The following WDFY4 variants were observed in gnomAD, a reference collection of about 807,000 sequenced individuals.
WDFY4 encodes the protein WDFY family member 4, also known as WD repeat- and FYVE domain-containing protein 4.
In WDFY4, 169 loss-of-function variants were observed where a neutral mutation model predicts 351.9. The ratio of observed to expected loss-of-function variants is 0.48; its 90% CI spans 0.42 to 0.55. The LOEUF (loss-of-function observed/expected upper bound fraction) is 0.55. WDFY4 is among the 20% of genes least tolerant of loss of function. The probability of loss-of-function intolerance (pLI) is 0.00; values close to 1 mark genes in which losing one functional copy is unlikely to be tolerated. For missense variants in WDFY4, 3,803 were observed against 3,935.6 expected, an observed-to-expected ratio of 0.97 and a Z score of 0.90; for synonymous variants, 1,622 against 1,574.6, an observed-to-expected ratio of 1.03 and a Z score of -0.71.
chr10:48,866,634 A>G (rs1012109759), intron 39 of WDFY4, among the ~76,000 whole-genome samples: 2 of 152,198 alleles, frequency 1.3e-5, no homozygotes, highest in East Asian at 3.8e-4. Context: ...CTCTCTTGGT[A>G]GCTCTCTGCT....
In WDFY4 at chr10:48,776,908, C is replaced by T. The variant is rs1219715993; in HGVS notation, c.3022C>T (p.Pro1008Ser). 1.9e-6 allele frequency: 3 copies of T among 1,552,066 alleles called. No individual in the cohort carries two copies. Among genetic ancestry groups the T allele is most frequent in the African/African-American group, 2.7e-5 (2 of 73,056 alleles). ...TALSLISMTS[P>S]RNLQPQRAAL... Reference sequence around the variant, plus strand: ...GCTGAGCCTCATCTCCATGACCTCCCCACGCAACCTGCAGCCTCAGAGGGC... The same window carrying T: ...GCTGAGCCTCATCTCCATGACCTCCTCACGCAACCTGCAGCCTCAGAGGGC... Residue 1008 changes from proline (P) to serine (S), a missense_variant, in exon 16 of 62, where the codon CCA (proline) becomes TCA (serine). By Grantham distance (74) the Pro-to-Ser change is moderately conservative. Around this residue, in one of 3 missense-constraint regions of WDFY4, gnomAD observed 3,054 missense variants for 3,148.6 expected, o/e 0.97. Transcript: ENST00000325239.
intron 57 of WDFY4, among the ~76,000 whole-genome samples, chr10:48,971,750 G>A (rs1339728010): frequency 1.3e-5 from 2 of 152,172 alleles, no homozygotes; most frequent in Non-Finnish European, 2.9e-5. Context: ...TGCGAGAAGG[G>A]GCTGACACAT....
chr10:48,723,623 ACT>A lies in WDFY4; in HGVS notation c.591+60_591+61del, dbSNP rs374086653. On this transcript the variant is annotated intron_variant, in intron 5 of 61. Transcript: ENST00000325239. ...GGTCAAAACCTCACTTCGGGGACAG[ACT>A]CTCCAATGCTTCCCGTAGATGCTTT... is the stretch of plus-strand genomic sequence containing the variant. 3.8e-4 allele frequency: 587 copies of A among 1,544,388 alleles called. 9 individuals are homozygous for A. In the South Asian group the frequency reaches 6.5e-3, roughly 17 times the overall value.
intron 1 of WDFY4, among the ~76,000 whole-genome samples, chr10:48,687,259 T>G (rs1258092952): frequency 2.0e-5 from 3 of 152,208 alleles, no homozygotes; most frequent in African/African-American, 7.2e-5. Flanking sequence ...GTACTACTTT[T>G]TGTCATTTAT....
chr10:48,736,247 G>A, intron 11 of WDFY4, 177 bp downstream of exon 11: 1 of 694,962 alleles, frequency 1.4e-6, no homozygotes, highest in Non-Finnish European at 2.5e-6. Context: ...TCAGTAGCCT[G>A]GTACATTTGA....
chr10:48,721,444 G>T, intron 4 of WDFY4, 77 bp downstream of exon 4: 1 of 1,355,030 alleles, frequency 7.4e-7, no homozygotes, highest in South Asian at 1.2e-5. Flanking sequence ...CAGGGTGGTG[G>T]CATATCCCAA....
chr10:48,828,841 T>C lies in WDFY4; in HGVS notation c.6285T>C (p.Leu2095=), dbSNP rs1201651245. Residue 2095 remains leucine, a synonymous_variant, in exon 37 of 62, where the codon CTT becomes CTC. Transcript: ENST00000325239. ...PRMSTYHQVF[L]SPNEDVKEKR... ...TGTCTACTTATCATCAAGTCTTCCT[T>C]TCCCCAAATGAAGACGTGAAAGAAA... The C allele has an allele frequency of 6.5e-7, 1 of 1,530,734 alleles. No homozygotes were observed. The highest frequency in any genetic ancestry group is 8.8e-7 in the Non-Finnish European group (1 of 1,136,534). The allele number at this position is 1,530,734 out of a possible 1,614,324, so 94.8% of individuals were successfully genotyped here.
intron 8 of WDFY4, among the ~76,000 whole-genome samples, chr10:48,730,174 C>T (rs915464934): frequency 6.6e-6 from 1 of 152,180 alleles, no homozygotes; most frequent in Non-Finnish European, 1.5e-5. Context: ...GTTTTTAAGG[C>T]TAAGTGTGGG....
chr10:48,761,511 G>T (rs17836431), intron 13 of WDFY4, among the ~76,000 whole-genome samples: 12,770 of 152,186 alleles, frequency 0.084, 677 homozygotes, highest in East Asian at 0.24. Context: ...TAAGAGACCT[G>T]TCCAGAGGCA....
chr10:48,752,512 AC>A (rs1396544167), intron 12 of WDFY4, among the ~76,000 whole-genome samples: 78 of 152,288 alleles, frequency 5.1e-4, no homozygotes, highest in African/African-American at 1.7e-3. Context: ...CACTTTTATC[AC>A]CCCAAAAGGA....
At chr10:48,686,132 C>G (rs2063039945) in intron 1 of WDFY4, among the ~76,000 whole-genome samples, 1 of 151,928 alleles carries the variant, frequency 6.6e-6, no homozygotes, top group Admixed American at 6.6e-5. Flanking sequence ...TCTGTCCATC[C>G]TGAGCACATG....
chr10:48,926,830 C>G (rs2133639402), intron 47 of WDFY4, among the ~76,000 whole-genome samples: 1 of 152,342 alleles, frequency 6.6e-6, no homozygotes. Context: ...CGAGCCAGTT[C>G]ACTTCATAGG....
At position 48,689,461 on chromosome 10, in the gene WDFY4, A is replaced by G. The variant is rs1256371988; in HGVS notation, c.-18+4460A>G. On this transcript the variant is annotated intron_variant, in intron 1 of 61. Coordinates refer to ENST00000325239, the MANE Select transcript of WDFY4 (RefSeq NM_001394531.1). ...AACTAACAACAAAAAATTATAAAAT[A>G]CCTCAGTACCTGAAAATATTGATTA... Among the ~76,000 whole-genome samples, 33 of 152,258 alleles carry G rather than the reference A, an allele frequency of 2.2e-4. 1 individual carries two copies. The highest frequency in any genetic ancestry group is 2.2e-3 in the Admixed American group (33 of 15,294).
intron 6 of WDFY4, 31 bp from the exon 7 acceptor site, chr10:48,727,439 A>G: frequency 6.5e-7 from 1 of 1,545,166 alleles, no homozygotes; most frequent in African/African-American, 1.4e-5. Flanking sequence ...TTCCAAGCTC[A>G]GCAGGTCTCT....
chr10:48,845,127 C>T (rs1177703371), intron 39 of WDFY4, among the ~76,000 whole-genome samples: 1 of 152,214 alleles, frequency 6.6e-6, no homozygotes. Flanking sequence ...TGGGCACAGA[C>T]ACCCCTTGGG....
intron 1 of WDFY4, among the ~76,000 whole-genome samples, chr10:48,699,040 G>T (rs2063407790): frequency 6.6e-6 from 1 of 152,222 alleles, no homozygotes; most frequent in Non-Finnish European, 1.5e-5. Flanking sequence ...GAAAGCACAT[G>T]CTACAGGGCT....
chr10:48,959,597 A>C, intron 52 of WDFY4, 125 bp from the exon 53 acceptor site: 2 of 842,808 alleles, frequency 2.4e-6, no homozygotes, highest in Non-Finnish European at 3.9e-6. Flanking sequence ...CATGGTCTGC[A>C]GAGAACATAA....
At position 48,720,151 on chromosome 10, in the gene WDFY4, C is replaced by A. The variant is rs778567775; in HGVS notation, c.349+26C>A. Reference sequence around the variant, plus strand: ...GTAAGAGCATGGAGGTGCTGGCAGACCCTCTACAGAGAGCAGTGCAGCCCT... The same window carrying A: ...GTAAGAGCATGGAGGTGCTGGCAGAACCTCTACAGAGAGCAGTGCAGCCCT... On this transcript the variant is annotated intron_variant, in intron 3 of 61. Transcript: ENST00000325239. The A allele has an allele frequency of 2.8e-5, 43 of 1,545,008 alleles. 1 individual carries two copies. In the South Asian group the frequency reaches 5.0e-4, roughly 18 times the overall value.
At chr10:48,733,181 T>C (rs1274579465) in intron 9 of WDFY4, among the ~76,000 whole-genome samples, 1 of 152,218 alleles carries the variant, frequency 6.6e-6, no homozygotes, top group Non-Finnish European at 1.5e-5. Flanking sequence ...TGACCACTCC[T>C]AGGAGAAATT....
Sources: allele counts gnomAD v4.1 joint callset (sites outside exome capture counted in the v4.1 genomes callset), GRCh38; gene constraint gnomAD v4.1.1; regional missense constraint gnomAD v4.1.1; transcripts MANE v1.5; gene names NCBI Gene and HGNC (gene_info 2026-07-23, HGNC 2026-07-21).